Variants in MARF1 observed in about 807,000 individuals in gnomAD.
MARF1 encodes the protein meiosis regulator and mRNA stability factor 1, also known as limkain-b1.
In MARF1, 24 loss-of-function variants were observed where a neutral mutation model predicts 168.2. The observed-to-expected ratio is 0.14, with a 90% CI of 0.10 to 0.20. MARF1 has a LOEUF of 0.20. MARF1 is among the 10% of genes least tolerant of loss of function. The probability of loss-of-function intolerance (pLI) is 1.00; values close to 1 mark genes in which losing one functional copy is unlikely to be tolerated. For synonymous variants in MARF1, 868 were observed against 822.4 expected (o/e 1.06, Z -0.95); for missense variants, 1,744 against 2,143.6 (o/e 0.81, Z 3.68).
chr16:15,626,803 T>C (rs2034878299), intron 7 of MARF1, among the ~76,000 whole-genome samples: 1 of 150,044 alleles, frequency 6.7e-6, no homozygotes, highest in African/African-American at 2.5e-5. Flanking sequence ...CTACTAAAAA[T>C]ACAAAAAAAG....
chr16:15,622,487 G>A (rs540672174), intron 11 of MARF1, among the ~76,000 whole-genome samples: 1 of 151,894 alleles, frequency 6.6e-6, no homozygotes, highest in Non-Finnish European at 1.5e-5. Flanking sequence ...TGCCTCCCGT[G>A]TTTAAGCAAT....
In MARF1 at chr16:15,639,218, C is replaced by T. The variant is rs762304128; in HGVS notation, c.16G>A (p.Gly6Arg). Reference sequence around the variant, plus strand: ...GTTCTACTGCAGGAGTTCTCAGTTCCGTTTCCTTCCATCATACAGCCATGC... The same window carrying T: ...GTTCTACTGCAGGAGTTCTCAGTTCTGTTTCCTTCCATCATACAGCCATGC... MMEGNGTENSCSRTRG... is the reference protein window; with the variant it reads MMEGNRTENSCSRTRG... Residue 6 changes from glycine to arginine, a missense_variant, in exon 2 of 27, where the codon GGA (glycine) becomes AGA (arginine). Around this residue, in one of 7 missense-constraint regions of MARF1, gnomAD observed 318 missense variants for 336.6 expected, o/e 0.94. Coordinates refer to ENST00000396368, the MANE Select transcript of MARF1 (RefSeq NM_014647.4). 50 of 1,613,504 alleles carry T rather than the reference C, an allele frequency of 3.1e-5. No homozygotes were observed. Among genetic ancestry groups the T allele is most frequent in the South Asian group, 3.1e-4 (28 of 91,002 alleles).
At chr16:15,642,957 C>A (rs1017893777) in intron 1 of MARF1, 61 bp downstream of exon 1, 4 of 208,998 alleles carry the variant, frequency 1.9e-5, no homozygotes, top group Admixed American at 1.3e-4. Flanking sequence ...CTCCGTCCCG[C>A]CCCGCTGGCC....
At chr16:15,642,456 T>C (rs2036071715) in intron 1 of MARF1, 1 of 152,224 alleles carries the variant, frequency 6.6e-6, no homozygotes, top group Admixed American at 6.5e-5. Flanking sequence ...GAAGAATATT[T>C]ACCGCTCAGA....
At chr16:15,601,230 C>G (rs963509148) in intron 23 of MARF1, 7 of 375,278 alleles carry the variant, frequency 1.9e-5, no homozygotes, top group Non-Finnish European at 3.7e-5. Flanking sequence ...ATCTCAGCTC[C>G]CAGGCAAGCT....
In MARF1 at chr16:15,625,177, C is replaced by A. The variant is rs1208628666; in HGVS notation, c.1954-4G>T. On this transcript the variant is annotated splice_polypyrimidine_tract_variant and splice_region_variant and intron_variant, in intron 8 of 26. Transcript: ENST00000396368. ...TTGACTCCATGCGGCACAGCTCCTT[C>A]AAAGACACAAGCACAGTGGGGTTTA... The A allele has an allele frequency of 6.2e-7, 1 of 1,613,644 alleles. No homozygotes were observed. The highest frequency in any genetic ancestry group is 8.5e-7 in the Non-Finnish European group (1 of 1,179,724).
In MARF1 at chr16:15,594,441, A is replaced by G. The variant is rs2150986739; in HGVS notation, c.*2252T>C. ...ACTGTTTGGTCCCAACACACAAAAC[A>G]GCACTTGAACCACAACAAAAGTGTT... On this transcript the variant is annotated 3_prime_UTR_variant, in exon 27 of 27. Transcript: ENST00000396368. 1 of 152,784 alleles carries G rather than the reference A, an allele frequency of 6.5e-6. No individual in the cohort carries two copies. The allele number at this position is 152,784 out of a possible 1,614,324, so 9.5% of individuals were successfully genotyped here.
At chr16:15,599,220 G>T (rs1379623293) in intron 25 of MARF1, 196 bp from the exon 26 acceptor site, 1 of 603,132 alleles carries the variant, frequency 1.7e-6, no homozygotes. Flanking sequence ...GTAATGGAAC[G>T]CCTTAATAAG....
rs768240403 is a variant in MARF1, at chr16:15,623,112, G to A, written c.2282C>T (p.Pro761Leu). 1.3e-6 allele frequency: 2 copies of A among 1,590,252 alleles called. No homozygotes were observed. The highest frequency in any genetic ancestry group is 1.1e-5 in the South Asian group (1 of 89,748). The change falls in exon 11 of 27, where the codon CCA becomes CTA. Residue 761 changes from proline to leucine, a missense_variant. Around this residue, in one of 7 missense-constraint regions of MARF1, gnomAD observed 270 missense variants for 260.6 expected, o/e 1.04. Transcript: ENST00000396368. ...CGGGGATGCTCTGTTTAAAAGGTTTGGAGACATACTCCTGCTTAAAACACA... is the reference window on the plus strand; with the variant it reads ...CGGGGATGCTCTGTTTAAAAGGTTTAGAGACATACTCCTGCTTAAAACACA... ...SQSWSSRSMS[P>L]NLLNRASPLA...
At position 15,639,050 on chromosome 16, in the gene MARF1, A is replaced by T. The variant is rs1174238113; in HGVS notation, c.144+40T>A. On this transcript the variant is annotated intron_variant, in intron 2 of 26. Coordinates refer to ENST00000396368, the MANE Select transcript of MARF1 (RefSeq NM_014647.4). ...AAATGGACCTCTCTCATCTATTTGG[A>T]TGAGGAATCTGCTACATCCTTAGTC... is the stretch of plus-strand genomic sequence containing the variant. The T allele has an allele frequency of 4.4e-6, 7 of 1,588,898 alleles. No homozygotes were observed. The Admixed American group carries it at 1.1e-4, about 24-fold the overall frequency.
At position 15,609,526 on chromosome 16, in the gene MARF1, T is replaced by C; in HGVS notation, c.3951A>G (p.Leu1317=). The C allele has an allele frequency of 1.2e-6, 2 of 1,611,308 alleles. No homozygotes were observed. The highest frequency in any genetic ancestry group is 1.3e-5 in the African/African-American group (1 of 74,966). Reference sequence around the variant, plus strand: ...AAATTAGAATTTCTTCACTCACTTGTAAAGTATCAGGTATGGCTTCAAAAA... The same window carrying C: ...AAATTAGAATTTCTTCACTCACTTGCAAAGTATCAGGTATGGCTTCAAAAA... The part of the protein sequence containing the change: ...LELFEAIPDT[L]QVLECGEEKI... Residue 1317 remains leucine, a synonymous_variant, in exon 20 of 27, where the codon TTA becomes TTG. Coordinates refer to ENST00000396368, the MANE Select transcript of MARF1 (RefSeq NM_014647.4).
At chr16:15,618,027 C>A (rs1485340345) in intron 13 of MARF1, among the ~76,000 whole-genome samples, 1 of 152,236 alleles carries the variant, frequency 6.6e-6, no homozygotes, top group Non-Finnish European at 1.5e-5. Context: ...CTTAAAGGCA[C>A]TGGCCCTGGA....
Position 15,624,757 on chromosome 16 carries a change from A to G in MARF1, c.2270+12T>C, listed in dbSNP as rs1256274436. The G allele has an allele frequency of 1.4e-5, 23 of 1,612,266 alleles. No individual in the cohort carries two copies. The highest frequency in any genetic ancestry group is 2.0e-5 in the Non-Finnish European group (23 of 1,179,276). ...ATGTAACCACCCCCATGGGTCAAGA[A>G]GCTGGACTCACCTAGAAGACCAAGA... On this transcript the variant is annotated intron_variant, in intron 10 of 26. Transcript: ENST00000396368.
intron 21 of MARF1, 141 bp from the exon 22 acceptor site, chr16:15,604,539 A>C (rs2032835396): frequency 3.2e-6 from 2 of 629,436 alleles, no homozygotes; most frequent in Non-Finnish European, 5.5e-6. Flanking sequence ...GAAATAAAGC[A>C]AGTGGGTTTG....
chr16:15,622,311 A>G (rs1487434842), intron 11 of MARF1, among the ~76,000 whole-genome samples: 1 of 152,236 alleles, frequency 6.6e-6, no homozygotes, highest in Admixed American at 6.5e-5. Flanking sequence ...AAGACCAGCC[A>G]ACATTATTTT....
chr16:15,607,390 A>C (rs1318449895), intron 21 of MARF1, among the ~76,000 whole-genome samples: 1 of 152,170 alleles, frequency 6.6e-6, no homozygotes, highest in Non-Finnish European at 1.5e-5. Context: ...CTCTACTAAA[A>C]ATACAAAAAC....
intron 22 of MARF1, among the ~76,000 whole-genome samples, chr16:15,603,004 T>C (rs1372328072): frequency 2.6e-5 from 4 of 152,232 alleles, no homozygotes; most frequent in East Asian, 3.8e-4. Context: ...TAACATGCTA[T>C]GGAATCGCCA....
intron 1 of MARF1, among the ~76,000 whole-genome samples, chr16:15,639,971 G>A (rs184777681): frequency 1.3e-5 from 2 of 152,232 alleles, no homozygotes; most frequent in Admixed American, 1.3e-4. Flanking sequence ...CCATATCTTG[G>A]AAACTTGCAT....
chr16:15,608,202 A>T, intron 21 of MARF1, 89 bp downstream of exon 21: 1 of 815,314 alleles, frequency 1.2e-6, no homozygotes, highest in Non-Finnish European at 1.9e-6. Flanking sequence ...AAGAAACGCT[A>T]CAGCACACGC....
Sources: gnomAD v4.1 joint callset for allele counts (sites outside exome capture counted in the v4.1 genomes callset) on GRCh38, gnomAD v4.1.1 for gene constraint, gnomAD v4.1.1 regional missense constraint, MANE v1.5 for transcripts, NCBI Gene and HGNC (gene_info 2026-07-23, HGNC 2026-07-21) for gene names.